SNED1: variants seen among roughly 807,000 people sequenced by gnomAD.
SNED1 encodes sushi, nidogen and EGF-like domain-containing protein 1.
SNED1 carries 81 observed loss-of-function variants against 166.7 expected under a neutral mutation model. The observed-to-expected ratio is 0.49, with a 90% CI of 0.41 to 0.58. The LOEUF (loss-of-function observed/expected upper bound fraction) is 0.58, where lower values mean the gene tolerates loss of function less well. Ranked by LOEUF, SNED1 falls within the 20% of genes least tolerant of loss-of-function variation. The pLI is 0.00. For missense variants in SNED1, 1,604 were observed against 2,000.2 expected, an observed-to-expected ratio of 0.80 and a Z score of 3.78; for synonymous variants, 762 against 822.0, an observed-to-expected ratio of 0.93 and a Z score of 1.25.
chr2:241,053,369 CCCT>C, intron 16 of SNED1, 43 bp downstream of exon 16: 2 of 1,511,726 alleles, frequency 1.3e-6, no homozygotes, highest in African/African-American at 1.4e-5. Flanking sequence ...GGGGCCCACA[CCCT>C]CCTCATCCTG....
Position 241,049,872 on chromosome 2 carries a change from C to G in SNED1, c.1674C>G (p.Ala558=), listed in dbSNP as rs2061776932. The change falls in exon 12 of 32, where the codon GCC becomes GCG. Residue 558 remains alanine (A), a synonymous_variant. Coordinates refer to ENST00000310397, the MANE Select transcript of SNED1 (RefSeq NM_001080437.3). ...GCTTCAACGGAGGCTCCTGCGATGC[C>G]CATGACGACTCCTACACCTGCGAGT... ...DPCFNGGSCD[A]HDDSYTCECP... 6.2e-7 allele frequency: 1 copy of G among 1,613,868 alleles called. No homozygotes were observed. Among genetic ancestry groups the G allele is most frequent in the Non-Finnish European group, 8.5e-7 (1 of 1,179,790 alleles).
At chr2:241,026,631 T>G (rs753282728) in intron 1 of SNED1, among the ~76,000 whole-genome samples, 3 of 152,248 alleles carry the variant, frequency 2.0e-5, no homozygotes, top group Non-Finnish European at 4.4e-5. Context: ...GTTATTTAGT[T>G]ACTTATATCG....
rs561311786 is a variant in SNED1 at position 241,007,297 on chromosome 2, G to A, written c.213+8247G>A. On this transcript the variant is annotated intron_variant, in intron 1 of 31. Transcript: ENST00000310397. ...CTTCTTGTCAGAGAAGTGGCCAGCC[G>A]GCCAAACCGCGTTCTCCCAGGCAGC... Among the ~76,000 whole-genome samples the A allele has an allele frequency of 4.6e-5, 7 of 152,294 alleles. No homozygotes were observed. The East Asian group carries it at 5.8e-4, about 13-fold the overall frequency.
Position 241,018,457 on chromosome 2 carries a change from C to A in SNED1, c.214-11827C>A, listed in dbSNP as rs1407552922. On this transcript the variant is annotated intron_variant, in intron 1 of 31. Transcript: ENST00000310397. This position sits in a 1 kb window ranked among gnomAD's most constrained non-coding sequence, Gnocchi z 5.4. ...GGTGCTGGATTTAAGGGGCAAAGAA[C>A]ATTCGTTGTTCACTCAGCCCCCTGC... 2.0e-5 allele frequency among the ~76,000 whole-genome samples: 3 copies of A among 152,212 alleles called. No homozygotes were observed. The highest frequency in any genetic ancestry group is 4.4e-5 in the Non-Finnish European group (3 of 68,036).
At chr2:241,020,716 C>G (rs1056858446) in intron 1 of SNED1, among the ~76,000 whole-genome samples, 5 of 152,292 alleles carry the variant, frequency 3.3e-5, no homozygotes, top group Admixed American at 6.5e-5. Context: ...CAGTAGCCAC[C>G]CCACCTTAAA....
chr2:241,067,215 G>A (rs960843034), intron 21 of SNED1, among the ~76,000 whole-genome samples: 1 of 152,230 alleles, frequency 6.6e-6, no homozygotes, highest in Non-Finnish European at 1.5e-5. Flanking sequence ...CGGGAGCTGA[G>A]CGCTGCCCTC....
At chr2:241,048,203 C>T in intron 8 of SNED1, 112 bp from the exon 9 acceptor site, 1 of 1,284,124 alleles carries the variant, frequency 7.8e-7, no homozygotes, top group Non-Finnish European at 1.0e-6. Flanking sequence ...TTAAATTCCA[C>T]TTGGGAATGA....
Position 241,065,476 on chromosome 2 carries a change from C to T in SNED1, c.2891C>T (p.Ser964Leu), listed in dbSNP as rs775332685. The change falls in exon 21 of 32, where the codon TCG becomes TTG. Residue 964 changes from serine (S) to leucine (L), a missense_variant. By Grantham distance (145) the Ser-to-Leu change is moderately radical (BLOSUM62 -2). This residue lies in a region of SNED1 where 1,237 missense variants were observed against 1,620.8 expected (regional missense o/e 0.76). Transcript: ENST00000310397. ...GACTTTGTGGACAGGACCCGCTCCT[C>T]GCACCAGCTCCAGGCCCTGGCGGCC... The part of the protein sequence containing the change: ...RTDFVDRTRS[S>L]HQLQALAAGR... The T allele has an allele frequency of 6.8e-6, 11 of 1,612,970 alleles. No homozygotes were observed. Among genetic ancestry groups the T allele is most frequent in the Admixed American group, 1.7e-5 (1 of 60,018 alleles).
At chr2:241,047,487 A>G (rs958230573) in intron 8 of SNED1, among the ~76,000 whole-genome samples, 1 of 152,334 alleles carries the variant, frequency 6.6e-6, no homozygotes. Context: ...GGCTTGGCCT[A>G]CTTGGCATTT....
intron 1 of SNED1, among the ~76,000 whole-genome samples, chr2:241,019,486 T>G (rs1574889148): frequency 6.6e-6 from 1 of 152,100 alleles, no homozygotes; most frequent in Non-Finnish European, 1.5e-5. Context: ...CTGGTGGTCC[T>G]GGGGGCAGGG....
chr2:241,030,737 G>A (rs896593516), intron 2 of SNED1, among the ~76,000 whole-genome samples, 166 bp downstream of exon 2: 17 of 152,146 alleles, frequency 1.1e-4, no homozygotes, highest in Admixed American at 9.8e-4. Context: ...AAGAGGACAC[G>A]TCCCCAACCT....
chr2:241,084,903 A>G (rs958632369), intron 29 of SNED1, among the ~76,000 whole-genome samples: 1 of 151,928 alleles, frequency 6.6e-6, no homozygotes, highest in Non-Finnish European at 1.5e-5. Flanking sequence ...AGACTTCTTG[A>G]TTGACAGTTA....
At chr2:241,044,654 CAGCTTAAGA>C (rs1383922623) in intron 8 of SNED1, among the ~76,000 whole-genome samples, 1 of 152,192 alleles carries the variant, frequency 6.6e-6, no homozygotes, top group African/African-American at 2.4e-5. Context: ...CCCTCTAGTC[CAGCTTAAGA>C]AGCAGGGCTG....
At position 241,094,398 on chromosome 2, in the gene SNED1, C is replaced by T. The variant is rs561989840; in HGVS notation, c.*2762C>T. The T allele has an allele frequency of 2.9e-4, 135 of 471,214 alleles. No homozygotes were observed. The highest frequency in any genetic ancestry group is 9.4e-4 in the South Asian group (61 of 64,566). 29.2% of individuals were successfully genotyped at this position (471,214 alleles called of 1,614,324 possible). A position where few individuals can be genotyped will look rare whatever the true frequency, so the allele number is the denominator to read the frequency against. On this transcript the variant is annotated 3_prime_UTR_variant, in exon 32 of 32. Coordinates refer to ENST00000310397, the MANE Select transcript of SNED1 (RefSeq NM_001080437.3). The surrounding 1 kb of genome is among the most constrained non-coding windows in gnomAD (Gnocchi z 4.3). ...TGCTTTTCTTTTGCAAAACAAAAGT[C>T]TTTTTCTTTGCAGTCACGCTGTAAG...
chr2:241,007,714 A>G (rs766921918), intron 1 of SNED1, among the ~76,000 whole-genome samples: 2 of 152,142 alleles, frequency 1.3e-5, no homozygotes, highest in African/African-American at 2.4e-5. Context: ...TGTGTTGCCT[A>G]TTTCTTTCAA....
At chr2:241,088,136 A>T in intron 30 of SNED1, 1 of 538,290 alleles carries the variant, frequency 1.9e-6, no homozygotes, top group Non-Finnish European at 3.3e-6. Flanking sequence ...ACTCACAGCC[A>T]GCCAGGTTTC....
Position 241,062,834 on chromosome 2 carries a change from T to C in SNED1, c.2301T>C (p.Ser767=). The C allele has an allele frequency of 2.5e-6, 4 of 1,612,186 alleles. No homozygotes were observed. The highest frequency in any genetic ancestry group is 3.4e-6 in the Non-Finnish European group (4 of 1,179,298). The change falls in exon 17 of 32, where the codon TCT becomes TCC. Residue 767 remains serine, a synonymous_variant. Transcript: ENST00000310397. ...CRSQPCLHGG[S]CQDRVAGYLC... ...CTCAGCCGTGCCTGCATGGGGGCTCTTGTCAGGACCGCGTTGCTGGGTACC... is the reference window on the plus strand; with the variant it reads ...CTCAGCCGTGCCTGCATGGGGGCTCCTGTCAGGACCGCGTTGCTGGGTACC...
At chr2:241,065,652 C>T (rs2062413263) in intron 21 of SNED1, 57 bp downstream of exon 21, 10 of 1,470,124 alleles carry the variant, frequency 6.8e-6, no homozygotes, top group Non-Finnish European at 8.4e-6. Flanking sequence ...GAGGGCAGCG[C>T]TGGCCCCGGC....
chr2:241,026,595 A>G lies in SNED1; in HGVS notation c.214-3689A>G, dbSNP rs1574913721. 2.0e-5 allele frequency among the ~76,000 whole-genome samples: 3 copies of G among 152,178 alleles called. No individual in the cohort carries two copies. The South Asian group carries it at 6.2e-4, about 32-fold the overall frequency. On this transcript the variant is annotated intron_variant, in intron 1 of 31. Coordinates refer to ENST00000310397, the MANE Select transcript of SNED1 (RefSeq NM_001080437.3). ...CTTAATGCATCAAGTCCACTCTTCAATCTATCCAGTTAGTTCTTAATTTCT... is the reference window on the plus strand; with the variant it reads ...CTTAATGCATCAAGTCCACTCTTCAGTCTATCCAGTTAGTTCTTAATTTCT...
Sources: allele counts gnomAD v4.1 joint callset (sites outside exome capture counted in the v4.1 genomes callset), GRCh38; gene constraint gnomAD v4.1.1; regional missense constraint gnomAD v4.1.1; non-coding constraint Gnocchi (gnomAD v3.1); transcripts MANE v1.5; gene names NCBI Gene and HGNC (gene_info 2026-07-23, HGNC 2026-07-21).